ANKS1B: variants seen among roughly 807,000 people sequenced by gnomAD.
The protein encoded by ANKS1B is ankyrin repeat and sterile alpha motif domain-containing protein 1B.
Under a neutral mutation model 148.3 loss-of-function variants are expected in ANKS1B, and 36 were observed. The ratio of observed to expected loss-of-function variants is 0.24; its 90% CI spans 0.19 to 0.32. ANKS1B has a LOEUF of 0.32. Among genes scored for constraint, ANKS1B ranks in the 10% least tolerant of loss-of-function variants. The pLI is 1.00. For synonymous variants in ANKS1B, 542 were observed against 560.8 expected (o/e 0.97, Z 0.47); for missense variants, 1,157 against 1,542.6 (o/e 0.75, Z 4.19).
At chr12:99,319,776 C>G (rs2084883595) in intron 12 of ANKS1B, among the ~76,000 whole-genome samples, 1 of 152,198 alleles carries the variant, frequency 6.6e-6, no homozygotes, top group African/African-American at 2.4e-5. Flanking sequence ...GATGCACTTT[C>G]TTCCTAGCAT....
intron 8 of ANKS1B, among the ~76,000 whole-genome samples, chr12:99,655,709 A>T (rs113748952): frequency 2.6e-5 from 4 of 152,190 alleles, no homozygotes; most frequent in Admixed American, 1.3e-4. Context: ...TGAGACTTCC[A>T]TATTTAGCAC....
At chr12:99,950,273 T>G (rs1426812903) in intron 1 of ANKS1B, among the ~76,000 whole-genome samples, 1 of 152,014 alleles carries the variant, frequency 6.6e-6, no homozygotes, top group Non-Finnish European at 1.5e-5. Context: ...TCCAATTCTT[T>G]TAGTAGCTTG....
intron 12 of ANKS1B, among the ~76,000 whole-genome samples, chr12:99,317,205 A>G (rs2084287010): frequency 6.6e-6 from 1 of 152,212 alleles, no homozygotes; most frequent in South Asian, 2.1e-4. Context: ...TTCTGTGAAG[A>G]AAGTCATTGG....
chr12:98,822,294 A>T (rs1263315629), intron 19 of ANKS1B, among the ~76,000 whole-genome samples: 1 of 152,118 alleles, frequency 6.6e-6, no homozygotes, highest in East Asian at 1.9e-4. Context: ...TTACCACTGG[A>T]AAAAGAAAGG....
chr12:99,882,459 C>A (rs1216159768), intron 1 of ANKS1B, among the ~76,000 whole-genome samples: 1 of 152,150 alleles, frequency 6.6e-6, no homozygotes, highest in East Asian at 1.9e-4. Context: ...CATACCTAGA[C>A]ATATGATAAT....
At chr12:98,819,508 G>A (rs1443491303) in intron 19 of ANKS1B, among the ~76,000 whole-genome samples, 1 of 152,210 alleles carries the variant, frequency 6.6e-6, no homozygotes, top group African/African-American at 2.4e-5. Flanking sequence ...CATGAACTAT[G>A]TAGGAGTTAT....
intron 17 of ANKS1B, among the ~76,000 whole-genome samples, chr12:98,945,505 CAAAA>C (rs3051086): frequency 1.7e-3 from 52 of 30,286 alleles, no homozygotes; most frequent in South Asian, 3.5e-3. Context: ...AACAAACAAA[CAAAA>C]AAAAAAAAAA....
chr12:99,726,603 A>T (rs1185022176), intron 8 of ANKS1B, among the ~76,000 whole-genome samples: 1 of 152,202 alleles, frequency 6.6e-6, no homozygotes, highest in Non-Finnish European at 1.5e-5. Context: ...TGATCCAAAC[A>T]GTGAAAAGCA....
chr12:99,903,752 G>T (rs996795062), intron 1 of ANKS1B, among the ~76,000 whole-genome samples: 7 of 152,020 alleles, frequency 4.6e-5, no homozygotes, highest in African/African-American at 1.7e-4. Flanking sequence ...AATGGGAGGG[G>T]GGGAGAGGGA....
intron 9 of ANKS1B, among the ~76,000 whole-genome samples, chr12:99,563,441 A>G (rs1314554980): frequency 1.3e-5 from 2 of 152,126 alleles, no homozygotes; most frequent in Non-Finnish European, 2.9e-5. Flanking sequence ...GTTGTGTCTC[A>G]GGGAGTAGGG....
chr12:99,590,775 AG>A, intron 9 of ANKS1B, among the ~76,000 whole-genome samples: 1 of 152,194 alleles, frequency 6.6e-6, no homozygotes. Context: ...TTTCCGAATA[AG>A]GGTTTGTAGG....
At chr12:99,628,226 T>C (rs1034598113) in intron 9 of ANKS1B, among the ~76,000 whole-genome samples, 1 of 152,172 alleles carries the variant, frequency 6.6e-6, no homozygotes. Flanking sequence ...TACATCATTA[T>C]AATCTTATGA....
chr12:98,976,279 T>C (rs1171307937), intron 17 of ANKS1B: 1 of 152,198 alleles, frequency 6.6e-6, no homozygotes, highest in Non-Finnish European at 1.5e-5. Flanking sequence ...ATTCAGATGG[T>C]ATTTACCCCA....
chr12:98,735,720 C>A, intron 9 of ANKS1B: 2 of 608,610 alleles, frequency 3.3e-6, no homozygotes, highest in Non-Finnish European at 6.3e-6. Context: ...ATGTGCCTGG[C>A]ATTGTGGTAG....
chr12:99,076,832 T>A (rs1354855621), intron 16 of ANKS1B, among the ~76,000 whole-genome samples: 1 of 152,174 alleles, frequency 6.6e-6, no homozygotes, highest in Non-Finnish European at 1.5e-5. Flanking sequence ...TATTGCCTGT[T>A]TTTTTAAATA....
At chr12:99,086,343 T>C (rs973500502) in intron 15 of ANKS1B, among the ~76,000 whole-genome samples, 1 of 152,144 alleles carries the variant, frequency 6.6e-6, no homozygotes, top group East Asian at 1.9e-4. Context: ...AGGAATGTAG[T>C]ATACTTGGAA....
intron 10 of ANKS1B, among the ~76,000 whole-genome samples, chr12:99,497,291 G>T (rs1386718514): frequency 2.0e-5 from 3 of 152,176 alleles, no homozygotes; most frequent in Non-Finnish European, 4.4e-5. Context: ...TACATGTTCA[G>T]CACAGACCCA....
At chr12:99,536,722 G>A (rs542530282) in intron 9 of ANKS1B, among the ~76,000 whole-genome samples, 1 of 152,052 alleles carries the variant, frequency 6.6e-6, no homozygotes, top group Non-Finnish European at 1.5e-5. Flanking sequence ...TATGAAGAAC[G>A]GGGTATCCAA....
At chr12:99,374,447 C>A (rs2152483970) in intron 12 of ANKS1B, among the ~76,000 whole-genome samples, 1 of 152,212 alleles carries the variant, frequency 6.6e-6, no homozygotes, top group Non-Finnish European at 1.5e-5. Context: ...TATGAGTGTA[C>A]CCCGTGAAGG....
Sources: gnomAD v4.1 joint callset for allele counts (sites outside exome capture counted in the v4.1 genomes callset) on GRCh38, gnomAD v4.1.1 for gene constraint, MANE v1.5 for transcripts, NCBI Gene and HGNC (gene_info 2026-07-23, HGNC 2026-07-21) for gene names.